Variants in IQGAP2 observed in about 807,000 individuals in gnomAD.
IQGAP2 encodes the protein ras GTPase-activating-like protein IQGAP2.
IQGAP2 carries 173 observed loss-of-function variants against 201.3 expected under a neutral mutation model. The observed-to-expected ratio is 0.86, with a 90% confidence interval of 0.76 to 0.98. The LOEUF (loss-of-function observed/expected upper bound fraction) is 0.98, where lower values mean the gene tolerates loss of function less well. Ranked by LOEUF, IQGAP2 falls within the 50% of genes least tolerant of loss-of-function variation. The probability of loss-of-function intolerance (pLI) is 0.00; values close to 1 mark genes in which losing one functional copy is unlikely to be tolerated. For synonymous variants in IQGAP2, 675 were observed against 673.9 expected, an observed-to-expected ratio of 1.00 and a Z score of -0.03; for missense variants, 1,687 against 1,864.8, an observed-to-expected ratio of 0.90 and a Z score of 1.76.
intron 1 of IQGAP2, among the ~76,000 whole-genome samples, chr5:76,459,741 C>T (rs1002759347): frequency 6.6e-6 from 1 of 152,080 alleles, no homozygotes; most frequent in Non-Finnish European, 1.5e-5. Context: ...TGGGTTGAAG[C>T]GATTCTCCTG....
intron 29 of IQGAP2, 67 bp from the exon 30 acceptor site, chr5:76,683,709 T>G: frequency 6.8e-7 from 1 of 1,464,100 alleles, no homozygotes; most frequent in South Asian, 1.3e-5. Context: ...AACCTTTATC[T>G]TACATTGTTG....
chr5:76,461,357 G>A (rs376042973), intron 1 of IQGAP2, among the ~76,000 whole-genome samples: 6 of 146,102 alleles, frequency 4.1e-5, no homozygotes, highest in African/African-American at 1.5e-4. Flanking sequence ...GACAGTGCCA[G>A]TTCCTGTCTC....
At chr5:76,608,791 AC>A (rs1426312612) in intron 12 of IQGAP2, 9 of 210,684 alleles carry the variant, frequency 4.3e-5, no homozygotes, top group Non-Finnish European at 8.9e-5. Flanking sequence ...CTTATAGCCT[AC>A]ATCAGGAAGT....
intron 1 of IQGAP2, among the ~76,000 whole-genome samples, chr5:76,424,254 T>C (rs10043057): frequency 0.021 from 3,194 of 152,296 alleles, 44 homozygotes; most frequent in Non-Finnish European, 0.032. Flanking sequence ...TTACCCAATT[T>C]TAAGATTTCT....
In IQGAP2 at chr5:76,644,295, C is replaced by CTTTTTTTTTTTTTTTTTTT. The variant is rs547155944; in HGVS notation, c.2094+3196_2094+3214dup. 2.9e-3 allele frequency among the ~76,000 whole-genome samples: 140 copies of CTTTTTTTTTTTTTTTTTTT among 47,748 alleles called. 28 individuals carry two copies. Among genetic ancestry groups the CTTTTTTTTTTTTTTTTTTT allele is most frequent in the Non-Finnish European group, 4.1e-3 (95 of 22,996 alleles). 31.3% of individuals were successfully genotyped at this position (47,748 alleles called of 152,430 possible). On this transcript the variant is annotated intron_variant, in intron 17 of 35. Coordinates refer to ENST00000274364, the MANE Select transcript of IQGAP2 (RefSeq NM_006633.5). ...AATGAGACTGCCATTTTTGTAAATC[C>CTTTTTTTTTTTTTTTTTTT]TTTTTTTTTTTTTTTTTTTTTTGAG...
chr5:76,607,094 A>G (rs1216107748), intron 12 of IQGAP2: 2 of 152,042 alleles, frequency 1.3e-5, no homozygotes, highest in Non-Finnish European at 2.9e-5. Context: ...GACTTTTCTA[A>G]CTCATTTGCT....
intron 1 of IQGAP2, among the ~76,000 whole-genome samples, chr5:76,458,015 T>A (rs1754206971): frequency 6.6e-6 from 1 of 152,208 alleles, no homozygotes; most frequent in African/African-American, 2.4e-5. Context: ...ATGAAAAGAA[T>A]TTTGAAGCCA....
At chr5:76,432,353 G>A (rs917710751) in intron 1 of IQGAP2, among the ~76,000 whole-genome samples, 3 of 152,066 alleles carry the variant, frequency 2.0e-5, no homozygotes, top group African/African-American at 7.2e-5. Flanking sequence ...TCGAACTCCT[G>A]ACCTCAGGTG....
At chr5:76,588,885 T>C (rs1186666069) in intron 5 of IQGAP2, 21 bp from the exon 6 acceptor site, 3 of 1,475,582 alleles carry the variant, frequency 2.0e-6, no homozygotes, top group Non-Finnish European at 2.8e-6. Context: ...TTTCTGATAA[T>C]TTTGTGTTTT....
chr5:76,482,522 A>G (rs1409293649), intron 2 of IQGAP2, among the ~76,000 whole-genome samples: 1 of 152,238 alleles, frequency 6.6e-6, no homozygotes, highest in African/African-American at 2.4e-5. Context: ...AGAAGAGGAT[A>G]GTACATACAG....
intron 12 of IQGAP2, 41 bp downstream of exon 12, chr5:76,606,344 A>AG: frequency 6.6e-7 from 1 of 1,521,730 alleles, no homozygotes; most frequent in Non-Finnish European, 8.8e-7. Flanking sequence ...TAGTGGGAGA[A>AG]GAAGGTATCT....
chr5:76,441,041 A>G (rs1045379053), intron 1 of IQGAP2, among the ~76,000 whole-genome samples: 1 of 151,792 alleles, frequency 6.6e-6, no homozygotes, highest in Non-Finnish European at 1.5e-5. Flanking sequence ...CAAAAAAAAA[A>G]AAAAAGGAGT....
chr5:76,544,705 A>G (rs1214676748), intron 2 of IQGAP2, among the ~76,000 whole-genome samples: 2 of 152,162 alleles, frequency 1.3e-5, no homozygotes, highest in Admixed American at 1.3e-4. Flanking sequence ...TTTTGGTCAT[A>G]TATACACGTG....
intron 21 of IQGAP2, 36 bp from the exon 22 acceptor site, chr5:76,664,989 GA>G (rs745511188): frequency 5.4e-6 from 6 of 1,120,844 alleles, no homozygotes; most frequent in African/African-American, 2.0e-5. Flanking sequence ...AAGAGTATGA[GA>G]ATTAAAAAGG....
chr5:76,634,315 G>T (rs563212123), intron 15 of IQGAP2, among the ~76,000 whole-genome samples: 2 of 151,854 alleles, frequency 1.3e-5, no homozygotes, highest in East Asian at 3.9e-4. Context: ...AGGCTGGAGT[G>T]CAGCAGGGCA....
At chr5:76,654,891 G>T (rs1435680587) in intron 19 of IQGAP2, 43 bp from the exon 20 acceptor site, 1 of 1,281,162 alleles carries the variant, frequency 7.8e-7, no homozygotes. Flanking sequence ...TGATGGAGTA[G>T]GTGGGACTCT....
At chr5:76,493,628 GAATT>G (rs1053251554) in intron 2 of IQGAP2, among the ~76,000 whole-genome samples, 1 of 152,014 alleles carries the variant, frequency 6.6e-6, no homozygotes, top group East Asian at 1.9e-4. Flanking sequence ...TCTTTTTTTG[GAATT>G]AATTAATTTA....
Position 76,693,383 on chromosome 5 carries a change from C to A in IQGAP2, c.3934C>A (p.Arg1312=). The A allele has an allele frequency of 6.2e-7, 1 of 1,613,706 alleles. No individual in the cohort carries two copies. The highest frequency in any genetic ancestry group is 8.5e-7 in the Non-Finnish European group (1 of 1,179,764). The change falls in exon 31 of 36, where the codon CGG becomes AGG. Residue 1312 remains arginine, a synonymous_variant. Transcript: ENST00000274364. ...CAAGAAGCTGATAATTGATGTGATC[C>A]GGAACCAGCCAGGGAACACATTGAC... ...KTKKLIIDVI[R]NQPGNTLTEI...
At chr5:76,546,491 T>C (rs958550259) in intron 2 of IQGAP2, among the ~76,000 whole-genome samples, 1 of 152,120 alleles carries the variant, frequency 6.6e-6, no homozygotes, top group Admixed American at 6.5e-5. Context: ...TTAGAGCTGT[T>C]GCCATAGGAA....
Sources: gnomAD v4.1 joint callset for allele counts (sites outside exome capture counted in the v4.1 genomes callset) on GRCh38, gnomAD v4.1.1 for gene constraint, MANE v1.5 for transcripts, NCBI Gene and HGNC (gene_info 2026-07-23, HGNC 2026-07-21) for gene names.